UBE4B: variants seen among roughly 807,000 people sequenced by gnomAD.
The protein encoded by UBE4B is ubiquitination factor E4B.
In UBE4B, 27 loss-of-function variants were observed where a neutral mutation model predicts 148.1. The observed-to-expected ratio is 0.18, with a 90% confidence interval of 0.13 to 0.25. The LOEUF (loss-of-function observed/expected upper bound fraction) is 0.25, where lower values mean the gene tolerates loss of function less well. UBE4B is among the 10% of genes least tolerant of loss of function. UBE4B has a pLI of 1.00. For synonymous variants in UBE4B, 596 were observed against 619.3 expected (o/e 0.96, Z 0.56); for missense variants, 1,170 against 1,662.4 (o/e 0.70, Z 5.15).
At chr1:10,126,743 C>G in intron 10 of UBE4B, 51 bp from the exon 11 acceptor site, 3 of 1,477,738 alleles carry the variant, frequency 2.0e-6, no homozygotes, top group Non-Finnish European at 2.8e-6. Context: ...ATACTTCCCA[C>G]TCTTAGATTC....
intron 1 of UBE4B, among the ~76,000 whole-genome samples, chr1:10,067,814 G>A (rs995174217): frequency 6.6e-6 from 1 of 151,844 alleles, no homozygotes; most frequent in Non-Finnish European, 1.5e-5. Context: ...TGCAAGCTCC[G>A]CCTCCTGGGT....
intron 2 of UBE4B, among the ~76,000 whole-genome samples, chr1:10,084,875 T>G (rs1292227951): frequency 2.0e-5 from 3 of 151,636 alleles, no homozygotes; most frequent in Non-Finnish European, 4.4e-5. Context: ...TTTTTTTTTT[T>G]GTATTTTTAG....
intron 23 of UBE4B, among the ~76,000 whole-genome samples, chr1:10,167,441 AAATAATAATAATAAT>A (rs200457569): frequency 3.4e-5 from 5 of 147,166 alleles, no homozygotes; most frequent in South Asian, 2.1e-4. Flanking sequence ...CCGTCTCAAA[AAATAATAATAATAAT>A]AATAATAATA....
intron 24 of UBE4B, among the ~76,000 whole-genome samples, chr1:10,169,912 A>G (rs1646313347): frequency 6.6e-6 from 1 of 152,200 alleles, no homozygotes; most frequent in South Asian, 2.1e-4. Flanking sequence ...CTACTTGGGA[A>G]GCTGTGGCAG....
At chr1:10,164,244 G>A (rs748989597) in intron 23 of UBE4B, among the ~76,000 whole-genome samples, 2 of 152,086 alleles carry the variant, frequency 1.3e-5, no homozygotes, top group Non-Finnish European at 1.5e-5. Context: ...GGAAGGCTGA[G>A]GTGGGAGAAT....
chr1:10,174,899 G>T (rs1050451180), intron 25 of UBE4B, among the ~76,000 whole-genome samples: 1 of 152,070 alleles, frequency 6.6e-6, no homozygotes, highest in Non-Finnish European at 1.5e-5. Context: ...TGGGGAAGAG[G>T]TTGTAAAATT....
intron 25 of UBE4B, among the ~76,000 whole-genome samples, chr1:10,174,729 T>TTGCTTCC (rs1646391992): frequency 1.3e-5 from 2 of 151,464 alleles, no homozygotes; most frequent in Non-Finnish European, 2.9e-5. Context: ...AAAAGTGTTT[T>TTGCTTCC]TGCTTCCTTT....
At chr1:10,066,085 GT>G (rs990010974) in intron 1 of UBE4B, among the ~76,000 whole-genome samples, 1 of 112,434 alleles carries the variant, frequency 8.9e-6, no homozygotes, top group African/African-American at 3.5e-5. Flanking sequence ...CTCTACCTTC[GT>G]ACCTCCCTCC....
At chr1:10,124,004 A>G (rs550800916) in intron 10 of UBE4B, among the ~76,000 whole-genome samples, 1 of 151,892 alleles carries the variant, frequency 6.6e-6, no homozygotes, top group African/African-American at 2.4e-5. Context: ...TGAATTCCTG[A>G]TGTCAGGTGA....
chr1:10,160,612 A>G lies in UBE4B; in HGVS notation c.3054-530A>G, dbSNP rs149678973. 9.4e-3 allele frequency among the ~76,000 whole-genome samples: 1,424 copies of G among 152,292 alleles called. 14 individuals are homozygous for G. Among genetic ancestry groups the G allele is most frequent in the Non-Finnish European group, 0.014 (979 of 68,012 alleles). ...TCATCAGCCGTGCAAGGTGGCTCCA[A>G]ATACCACTGGAATGAGCTTATCATA... is the stretch of plus-strand genomic sequence containing the variant. On this transcript the variant is annotated intron_variant, in intron 22 of 27. Transcript: ENST00000343090.
Position 10,117,747 on chromosome 1 carries a change from G to A in UBE4B, c.1338+147G>A, listed in dbSNP as rs866871691. The A allele has an allele frequency of 4.1e-5, 42 of 1,015,132 alleles. No individual in the cohort carries two copies. The African/African-American group carries it at 6.0e-4, about 15-fold the overall frequency. 62.9% of individuals were successfully genotyped at this position (1,015,132 alleles called of 1,614,324 possible). A position where few individuals can be genotyped will look rare whatever the true frequency, so the allele number is the denominator to read the frequency against. On this transcript the variant is annotated intron_variant, in intron 8 of 27. Transcript: ENST00000343090. ...GCCAGGCACAATACTAGGAACTTAG[G>A]ATGTGTCGATGAACAAAACAGAGAT...
At chr1:10,162,170 T>C (rs1401783380) in intron 23 of UBE4B, among the ~76,000 whole-genome samples, 1 of 152,016 alleles carries the variant, frequency 6.6e-6, no homozygotes, top group Non-Finnish European at 1.5e-5. Flanking sequence ...GGCTAGTTTT[T>C]GTATTTTGTT....
intron 2 of UBE4B, among the ~76,000 whole-genome samples, chr1:10,090,590 T>A (rs191203933): frequency 1.3e-5 from 2 of 152,308 alleles, no homozygotes; most frequent in African/African-American, 4.8e-5. Flanking sequence ...TGAGGCGTTT[T>A]GGTTTTTTAA....
chr1:10,040,411 C>T (rs146824468), intron 1 of UBE4B, among the ~76,000 whole-genome samples: 2,641 of 151,764 alleles, frequency 0.017, 35 homozygotes, highest in Non-Finnish European at 0.027. Context: ...GCCAGGCCTC[C>T]GGCTAATTTT....
chr1:10,109,956 C>T (rs910543255), intron 7 of UBE4B, among the ~76,000 whole-genome samples: 1 of 152,172 alleles, frequency 6.6e-6, no homozygotes, highest in Non-Finnish European at 1.5e-5. Context: ...ACCTCGGCCT[C>T]CCAAATTGCT....
At position 10,134,866 on chromosome 1, in the gene UBE4B, G is replaced by C. The variant is rs899084414; in HGVS notation, c.2026-122G>C. 2.1e-5 allele frequency: 16 copies of C among 747,798 alleles called. No homozygotes were observed. In the East Asian group the frequency reaches 4.4e-4, roughly 21 times the overall value. The allele number at this position is 747,798 out of a possible 1,614,324, so 46.3% of individuals were successfully genotyped here. ...AGGTGGGAGGATTGCTTGAGCCTGG[G>C]AGGTGGAGGTTGCAGCCAAGATCAC... On this transcript the variant is annotated intron_variant, in intron 15 of 27. Transcript: ENST00000343090.
At chr1:10,115,453 T>A (rs1321227090) in intron 7 of UBE4B, among the ~76,000 whole-genome samples, 1 of 151,992 alleles carries the variant, frequency 6.6e-6, no homozygotes, top group Non-Finnish European at 1.5e-5. Flanking sequence ...GTATTTTTAG[T>A]TGAGATAGGG....
chr1:10,115,186 TAGC>T (rs1468123565), intron 7 of UBE4B, among the ~76,000 whole-genome samples: 1 of 150,550 alleles, frequency 6.6e-6, no homozygotes, highest in Non-Finnish European at 1.5e-5. Flanking sequence ...TTTTTTTTAA[TAGC>T]AGGCCAGGCT....
rs1646163423 is a variant in UBE4B at position 10,161,754 on chromosome 1, G to C, written c.3198+468G>C. Among the ~76,000 whole-genome samples the C allele has an allele frequency of 6.6e-6, 1 of 152,144 alleles. No homozygotes were observed. The highest frequency in any genetic ancestry group is 1.5e-5 in the Non-Finnish European group (1 of 68,054). ...TATATTCAGTTATTAATAGAAAAGA[G>C]GCCTGGCTTGCCAGGTTCCATGGAA... On this transcript the variant is annotated intron_variant, in intron 23 of 27. Transcript: ENST00000343090. This position sits in a 1 kb window ranked among gnomAD's most constrained non-coding sequence, Gnocchi z 4.1.
Sources: allele counts gnomAD v4.1 joint callset (sites outside exome capture counted in the v4.1 genomes callset), GRCh38; gene constraint gnomAD v4.1.1; non-coding constraint Gnocchi (gnomAD v3.1); transcripts MANE v1.5; gene names NCBI Gene and HGNC (gene_info 2026-07-23, HGNC 2026-07-21).